Variants in IGSF11 observed in about 807,000 individuals in gnomAD.
IGSF11 encodes the protein immunoglobulin superfamily member 11, also known as CXADR like 1.
A neutral mutation model predicts 41.0 loss-of-function variants in IGSF11; 22 were observed. The ratio of observed to expected loss-of-function variants is 0.54; its 90% CI spans 0.38 to 0.77. The LOEUF (loss-of-function observed/expected upper bound fraction) is 0.77, where lower values mean the gene tolerates loss of function less well. Ranked by LOEUF, IGSF11 falls within the 30% of genes least tolerant of loss-of-function variation. The pLI is 0.00. For missense variants in IGSF11, 444 were observed against 530.8 expected, an observed-to-expected ratio of 0.84 and a Z score of 1.61; for synonymous variants, 219 against 201.3, an observed-to-expected ratio of 1.09 and a Z score of -0.74.
At chr3:119,101,498 C>A (rs542677637) in intron 1 of IGSF11, among the ~76,000 whole-genome samples, 2 of 152,186 alleles carry the variant, frequency 1.3e-5, no homozygotes, top group East Asian at 1.9e-4. Context: ...GCAACAGGAG[C>A]AAAACACCAT....
chr3:119,031,705 GA>G (rs1227089592), intron 1 of IGSF11, among the ~76,000 whole-genome samples: 2 of 152,174 alleles, frequency 1.3e-5, no homozygotes, highest in Non-Finnish European at 2.9e-5. Flanking sequence ...TAGTATCTCT[GA>G]AATTTTCATC....
At position 119,143,425 on chromosome 3, in the gene IGSF11, G is replaced by A. The variant is rs187456567; in HGVS notation, c.-14+2388C>T. ...AAATAGGTTGTTATAAGTTTAGGAG[G>A]CCAATTGTAATCTCTAAGTAACCAC... On this transcript the variant is annotated intron_variant, in intron 1 of 7. Coordinates refer to the IGSF11 transcript ENST00000425327. Among the ~76,000 whole-genome samples the A allele has an allele frequency of 1.9e-3, 285 of 152,098 alleles. 2 individuals carry two copies. Among genetic ancestry groups the A allele is most frequent in the African/African-American group, 6.2e-3 (259 of 41,494 alleles).
chr3:118,945,245 A>C (rs28592657), intron 1 of IGSF11, among the ~76,000 whole-genome samples: 11,858 of 152,254 alleles, frequency 0.078, 650 homozygotes, highest in Admixed American at 0.16. Flanking sequence ...GCATGTATTC[A>C]CCTAGTCATA....
intron 1 of IGSF11, among the ~76,000 whole-genome samples, chr3:118,950,277 T>C (rs1460919865): frequency 6.6e-6 from 1 of 152,158 alleles, no homozygotes; most frequent in African/African-American, 2.4e-5. Flanking sequence ...TGATCCGTTA[T>C]ATCACCTCCT....
At chr3:118,968,856 A>C (rs1933026142) in intron 1 of IGSF11, among the ~76,000 whole-genome samples, 1 of 152,246 alleles carries the variant, frequency 6.6e-6, no homozygotes, top group Non-Finnish European at 1.5e-5. Context: ...CTTGTCAGAG[A>C]CGGGAACAGT....
chr3:119,073,495 C>T (rs1237288626), intron 1 of IGSF11, among the ~76,000 whole-genome samples: 1 of 152,164 alleles, frequency 6.6e-6, no homozygotes, highest in African/African-American at 2.4e-5. Flanking sequence ...CGCATGGGAG[C>T]CCACCGTGGG....
At chr3:119,069,727 T>A (rs1172306267) in intron 1 of IGSF11, among the ~76,000 whole-genome samples, 1 of 151,522 alleles carries the variant, frequency 6.6e-6, no homozygotes, top group African/African-American at 2.4e-5. Context: ...AAAAAAAAAA[T>A]CACATACTTG....
intron 1 of IGSF11, among the ~76,000 whole-genome samples, chr3:119,088,274 C>G (rs1020062581): frequency 2.0e-5 from 3 of 151,946 alleles, no homozygotes; most frequent in African/African-American, 7.2e-5. Flanking sequence ...AAGAAGATCT[C>G]TCAAAACTAC....
At chr3:118,971,506 A>G (rs1279624558) in intron 1 of IGSF11, among the ~76,000 whole-genome samples, 1 of 152,124 alleles carries the variant, frequency 6.6e-6, no homozygotes, top group Non-Finnish European at 1.5e-5. Context: ...AAAATAAACG[A>G]TATGAAAGTA....
chr3:119,048,032 A>G (rs1323649529), intron 1 of IGSF11, among the ~76,000 whole-genome samples: 1 of 152,016 alleles, frequency 6.6e-6, no homozygotes, highest in African/African-American at 2.4e-5. Context: ...CTAAATGCCC[A>G]CAAGAGAAAG....
chr3:118,943,839 C>T (rs531882609), intron 1 of IGSF11, among the ~76,000 whole-genome samples: 1 of 152,202 alleles, frequency 6.6e-6, no homozygotes, highest in Non-Finnish European at 1.5e-5. Flanking sequence ...CTCTCAACTT[C>T]ACCACTTGGT....
intron 1 of IGSF11, among the ~76,000 whole-genome samples, chr3:118,985,583 A>C (rs1935174257): frequency 6.6e-6 from 1 of 152,178 alleles, no homozygotes; most frequent in Non-Finnish European, 1.5e-5. Context: ...AACTGAATTG[A>C]TCATCTTTTT....
At chr3:119,032,610 C>T (rs1940514151) in intron 1 of IGSF11, among the ~76,000 whole-genome samples, 1 of 152,216 alleles carries the variant, frequency 6.6e-6, no homozygotes, top group Non-Finnish European at 1.5e-5. Flanking sequence ...GCCTGTTCCA[C>T]TTTACATCCT....
At chr3:119,000,063 CTTTTT>C (rs1297321950) in intron 1 of IGSF11, among the ~76,000 whole-genome samples, 7 of 98,748 alleles carry the variant, frequency 7.1e-5, no homozygotes, top group Non-Finnish European at 1.2e-4. Flanking sequence ...ATTCATTATT[CTTTTT>C]TTTTTTTTTT....
intron 1 of IGSF11, among the ~76,000 whole-genome samples, chr3:118,972,981 C>T (rs1933619517): frequency 6.6e-6 from 1 of 152,174 alleles, no homozygotes; most frequent in African/African-American, 2.4e-5. Context: ...CAAAACCCTG[C>T]TCTACGTGGC....
intron 4 of IGSF11, among the ~76,000 whole-genome samples, chr3:118,911,751 G>C (rs938937779): frequency 5.3e-5 from 8 of 151,898 alleles, no homozygotes; most frequent in African/African-American, 1.7e-4. Flanking sequence ...GAGAGAGAGA[G>C]AGAATATCAA....
At chr3:119,029,263 CACACACACA>C (rs1940150530) in intron 1 of IGSF11, among the ~76,000 whole-genome samples, 4 of 148,758 alleles carry the variant, frequency 2.7e-5, no homozygotes, top group African/African-American at 4.9e-5. Flanking sequence ...CACACACACA[CACACACACA>C]CACCCGAGAG....
At chr3:119,100,377 A>G (rs183390920) in intron 1 of IGSF11, among the ~76,000 whole-genome samples, 1 of 152,310 alleles carries the variant, frequency 6.6e-6, no homozygotes, top group African/African-American at 2.4e-5. Context: ...TGGATAAGAG[A>G]AGATCCTTAG....
intron 1 of IGSF11, among the ~76,000 whole-genome samples, chr3:119,043,629 C>A (rs573443085): frequency 8.5e-4 from 129 of 152,308 alleles, no homozygotes; most frequent in African/African-American, 2.9e-3. Context: ...CAAAAAACTG[C>A]AACCAAGGAC....
Sources: gnomAD v4.1 joint callset for allele counts (sites outside exome capture counted in the v4.1 genomes callset) on GRCh38, gnomAD v4.1.1 for gene constraint, MANE v1.5 for transcripts, NCBI Gene and HGNC (gene_info 2026-07-23, HGNC 2026-07-21) for gene names.